The following ADCY3 variants were observed in gnomAD, a reference collection of about 807,000 sequenced individuals.
ADCY3 encodes the protein adenylate cyclase 3.
A neutral mutation model predicts 119.4 loss-of-function variants in ADCY3; 70 were observed. That is an observed-to-expected ratio of 0.59 (90% CI 0.48 to 0.72). The LOEUF (loss-of-function observed/expected upper bound fraction) is 0.72, where lower values mean the gene tolerates loss of function less well. ADCY3 is among the 30% of genes least tolerant of loss of function. The pLI, the probability that ADCY3 is intolerant of heterozygous loss-of-function variation, is 0.00. For synonymous variants in ADCY3, 672 were observed against 621.4 expected (o/e 1.08, Z -1.21); for missense variants, 1,238 against 1,541.6 (o/e 0.80, Z 3.30).
chr2:24,828,493 A>G (rs1184083279), intron 13 of ADCY3, among the ~76,000 whole-genome samples: 1 of 152,156 alleles, frequency 6.6e-6, no homozygotes, highest in Admixed American at 6.5e-5. Context: ...TTAGGCTTCA[A>G]ATCCAACATG....
intron 7 of ADCY3, 24 bp downstream of exon 7, chr2:24,839,849 C>G: frequency 6.2e-7 from 1 of 1,613,644 alleles, no homozygotes; most frequent in Non-Finnish European, 8.5e-7. Flanking sequence ...GTCCTCAAAC[C>G]TGCCCCCTTG....
intron 9 of ADCY3, among the ~76,000 whole-genome samples, chr2:24,836,673 A>G (rs1023894448): frequency 6.6e-6 from 1 of 152,104 alleles, no homozygotes; most frequent in African/African-American, 2.4e-5. Context: ...CAGAGCTACA[A>G]AGGCCTCCGA....
intron 2 of ADCY3, among the ~76,000 whole-genome samples, chr2:24,895,484 T>G (rs1236069419): frequency 6.6e-6 from 1 of 152,218 alleles, no homozygotes; most frequent in East Asian, 1.9e-4. Flanking sequence ...TTTCCCACCA[T>G]TATTTCTTCA....
intron 2 of ADCY3, among the ~76,000 whole-genome samples, chr2:24,914,311 C>T (rs185418373): frequency 6.6e-6 from 1 of 152,286 alleles, no homozygotes; most frequent in Non-Finnish European, 1.5e-5. Context: ...AACGCCTGGG[C>T]TCCCGTCCTG....
In ADCY3 at chr2:24,841,724, C is replaced by A; in HGVS notation, c.957-57G>T. ...TCCAGGCAGCCAGGTGTACCCGACCCCACTGCCAGCTCCCTCTCCAACCCA... is the reference window on the plus strand; with the variant it reads ...TCCAGGCAGCCAGGTGTACCCGACCACACTGCCAGCTCCCTCTCCAACCCA... On this transcript the variant is annotated intron_variant, in intron 4 of 21. Transcript: ENST00000679454. The surrounding 1 kb of genome is among the most constrained non-coding windows in gnomAD (Gnocchi z 5.8). 7.4e-7 allele frequency: 1 copy of A among 1,346,436 alleles called. No individual in the cohort carries two copies. Among genetic ancestry groups the A allele is most frequent in the Non-Finnish European group, 1.1e-6 (1 of 947,632 alleles). The allele number at this position is 1,346,436 out of a possible 1,614,324, so 83.4% of individuals were successfully genotyped here.
intron 13 of ADCY3, 48 bp from the exon 14 acceptor site, chr2:24,828,209 G>A: frequency 6.2e-6 from 10 of 1,601,632 alleles, no homozygotes; most frequent in Non-Finnish European, 8.5e-6. Flanking sequence ...GAGAACAGCA[G>A]GTGCTGGTCA....
intron 8 of ADCY3, among the ~76,000 whole-genome samples, chr2:24,837,885 T>C (rs1203438301): frequency 6.6e-6 from 1 of 152,134 alleles, no homozygotes; most frequent in African/African-American, 2.4e-5. Flanking sequence ...TGCAAGCTTG[T>C]TCAACCCACA....
In ADCY3 at chr2:24,919,850, G is replaced by A. The variant is rs1159676088; in HGVS notation, c.-365C>T. The A allele has an allele frequency of 6.6e-6, 1 of 150,994 alleles. No individual in the cohort carries two copies. Among genetic ancestry groups the A allele is most frequent in the Non-Finnish European group, 1.5e-5 (1 of 67,650 alleles). The allele number at this position is 150,994 out of a possible 1,614,324, so 9.4% of individuals were successfully genotyped here. ...CCGCCGTCAGGCCCGGGATCCGACC[G>A]GGAGAGGCGCAGGGCTGCCCCTCAG... is the stretch of plus-strand genomic sequence containing the variant. On this transcript the variant is annotated 5_prime_UTR_variant, in exon 1 of 22. Transcript: ENST00000679454. The surrounding 1 kb of genome is among the most constrained non-coding windows in gnomAD (Gnocchi z 5.5).
At chr2:24,881,392 A>G (rs1230234447) in intron 2 of ADCY3, among the ~76,000 whole-genome samples, 1 of 152,216 alleles carries the variant, frequency 6.6e-6, no homozygotes, top group African/African-American at 2.4e-5. Context: ...GGTCTCTCGG[A>G]AGCAGTGTCA....
At chr2:24,865,096 A>T (rs1414749634) in intron 3 of ADCY3, among the ~76,000 whole-genome samples, 1 of 152,220 alleles carries the variant, frequency 6.6e-6, no homozygotes, top group East Asian at 1.9e-4. Context: ...ACTTTTGTAT[A>T]ATGACTGAAC....
chr2:24,882,109 T>C (rs1490039152), intron 2 of ADCY3, among the ~76,000 whole-genome samples: 1 of 152,200 alleles, frequency 6.6e-6, no homozygotes, highest in African/African-American at 2.4e-5. Flanking sequence ...TTTATGTCAA[T>C]TGTAGAGTTT....
At chr2:24,838,037 C>T (rs1294142412) in intron 8 of ADCY3, among the ~76,000 whole-genome samples, 1 of 151,204 alleles carries the variant, frequency 6.6e-6, no homozygotes, top group Middle Eastern at 3.4e-3. Flanking sequence ...CCTTGGTCCT[C>T]CTCCCCCATG....
At chr2:24,876,318 A>T (rs1675705818) in intron 2 of ADCY3, among the ~76,000 whole-genome samples, 1 of 152,170 alleles carries the variant, frequency 6.6e-6, no homozygotes, top group Non-Finnish European at 1.5e-5. Context: ...AAATTTAGAT[A>T]GTCACGAAGA....
intron 2 of ADCY3, among the ~76,000 whole-genome samples, chr2:24,900,868 C>A (rs1678823762): frequency 6.6e-6 from 1 of 152,122 alleles, no homozygotes; most frequent in South Asian, 2.1e-4. Flanking sequence ...AGTTCAAGAC[C>A]AGCCTGGCCA....
intron 2 of ADCY3, among the ~76,000 whole-genome samples, chr2:24,892,504 G>C (rs190391586): frequency 0.026 from 3,926 of 152,280 alleles, 71 homozygotes; most frequent in South Asian, 0.052. Flanking sequence ...ACCCGCCTCG[G>C]CCTCCCAAAG....
intron 3 of ADCY3, among the ~76,000 whole-genome samples, chr2:24,858,164 G>A (rs909940111): frequency 1.2e-4 from 17 of 141,384 alleles, no homozygotes; most frequent in African/African-American, 4.3e-4. Context: ...ACCATGCCTG[G>A]ATTTTTTTTA....
chr2:24,831,349 C>G (rs957734210), intron 12 of ADCY3, among the ~76,000 whole-genome samples: 5 of 152,220 alleles, frequency 3.3e-5, no homozygotes, highest in African/African-American at 1.2e-4. Context: ...AGCCGGCCCT[C>G]CACTTCCTCT....
chr2:24,900,629 A>C (rs1332849894), intron 2 of ADCY3, among the ~76,000 whole-genome samples: 1 of 152,174 alleles, frequency 6.6e-6, no homozygotes, highest in Non-Finnish European at 1.5e-5. Flanking sequence ...TAAGGTCTGG[A>C]AACCATGTCG....
chr2:24,848,156 A>G (rs1394536963), intron 3 of ADCY3, among the ~76,000 whole-genome samples: 1 of 152,268 alleles, frequency 6.6e-6, no homozygotes, highest in Admixed American at 6.5e-5. Flanking sequence ...CATGATGGCC[A>G]TAACGCCCAT....
Sources: allele counts gnomAD v4.1 joint callset (sites outside exome capture counted in the v4.1 genomes callset), GRCh38; gene constraint gnomAD v4.1.1; non-coding constraint Gnocchi (gnomAD v3.1); transcripts MANE v1.5; gene names NCBI Gene and HGNC (gene_info 2026-07-23, HGNC 2026-07-21).